DIP2C: variants seen among roughly 807,000 people sequenced by gnomAD.
The protein encoded by DIP2C is DIP2 acetate--CoA ligase C (putative).
Under a neutral mutation model 192.4 loss-of-function variants are expected in DIP2C, and 33 were observed. The ratio of observed to expected loss-of-function variants is 0.17; its 90% confidence interval spans 0.13 to 0.23. The LOEUF is 0.23. Ranked by LOEUF, DIP2C falls within the 10% of genes least tolerant of loss-of-function variation. The pLI is 1.00. For synonymous variants in DIP2C, 979 were observed against 864.1 expected (o/e 1.13, Z -2.33); for missense variants, 1,537 against 2,110.1 (o/e 0.73, Z 5.32).
At chr10:492,167 G>C (rs1844495237) in intron 1 of DIP2C, among the ~76,000 whole-genome samples, 1 of 152,230 alleles carries the variant, frequency 6.6e-6, no homozygotes, top group African/African-American at 2.4e-5. Context: ...CTCTGGGGCT[G>C]AGGCTCCTTG....
intron 1 of DIP2C, among the ~76,000 whole-genome samples, chr10:553,351 G>A (rs1848678494): frequency 1.3e-5 from 2 of 152,366 alleles, no homozygotes; most frequent in Admixed American, 6.5e-5. Flanking sequence ...AGAAGGATTT[G>A]CAGAATTGAG....
At chr10:446,512 G>A (rs956586476) in intron 3 of DIP2C, among the ~76,000 whole-genome samples, 1 of 152,162 alleles carries the variant, frequency 6.6e-6, no homozygotes, top group Non-Finnish European at 1.5e-5. Flanking sequence ...TCTAAATAAG[G>A]CCCTGTGTCT....
chr10:482,971 A>G (rs756491925), intron 2 of DIP2C, among the ~76,000 whole-genome samples: 1 of 152,182 alleles, frequency 6.6e-6, no homozygotes, highest in Non-Finnish European at 1.5e-5. Flanking sequence ...CTTTCACTGC[A>G]TGTATAACTC....
At chr10:640,537 GCC>G (rs1855113353) in intron 1 of DIP2C, among the ~76,000 whole-genome samples, 1 of 152,194 alleles carries the variant, frequency 6.6e-6, no homozygotes, top group African/African-American at 2.4e-5. Flanking sequence ...GGCGGGCATG[GCC>G]AGAGTAGAAA....
Position 689,327 on chromosome 10 carries a change from A to G in DIP2C, c.85+167T>C, listed in dbSNP as rs1385909316. On this transcript the variant is annotated intron_variant, in intron 1 of 36. Coordinates refer to ENST00000280886, the MANE Select transcript of DIP2C (RefSeq NM_014974.3). The surrounding 1 kb of genome is among the most constrained non-coding windows in gnomAD (Gnocchi z 6.1). The stretch of plus-strand genomic sequence containing the variant: ...GGATCGCGGCCTCACAAACGTCCCT[A>G]GGGCGCGGGGTCTGGGGGTCCGGGG... Among the ~76,000 whole-genome samples, 8 of 150,900 alleles carry G rather than the reference A, an allele frequency of 5.3e-5. No individual in the cohort carries two copies. Among genetic ancestry groups the G allele is most frequent in the Non-Finnish European group, 1.2e-4 (8 of 67,692 alleles).
intron 4 of DIP2C, among the ~76,000 whole-genome samples, chr10:433,429 C>T (rs1021218594): frequency 6.6e-6 from 1 of 152,098 alleles, no homozygotes; most frequent in Non-Finnish European, 1.5e-5. Flanking sequence ...GTAATCCCAG[C>T]ACTTTAGGAG....
Position 689,469 on chromosome 10 carries a change from C to G in DIP2C, c.85+25G>C, listed in dbSNP as rs756722065. The G allele has an allele frequency of 1.1e-5, 13 of 1,155,904 alleles. No homozygotes were observed. Among genetic ancestry groups the G allele is most frequent in the Non-Finnish European group, 1.3e-5 (12 of 930,262 alleles). 71.6% of individuals were successfully genotyped at this position (1,155,904 alleles called of 1,614,324 possible). ...GGCCCTCCCCGGTGACAGCGCGGCC[C>G]GGCCCGGGGCGGGGGCCCGGTTACC... On this transcript the variant is annotated intron_variant, in intron 1 of 36. Transcript: ENST00000280886. This position sits in a 1 kb window ranked among gnomAD's most constrained non-coding sequence, Gnocchi z 6.1.
chr10:466,097 A>C (rs2133403931), intron 3 of DIP2C, among the ~76,000 whole-genome samples: 1 of 148,226 alleles, frequency 6.7e-6, no homozygotes, highest in South Asian at 2.2e-4. Flanking sequence ...CCTAAGCCAA[A>C]AGAACAAAGC....
chr10:364,149 T>C (rs191650829), intron 20 of DIP2C, among the ~76,000 whole-genome samples: 1 of 152,272 alleles, frequency 6.6e-6, no homozygotes, highest in African/African-American at 2.4e-5. Context: ...AGAGGGGAAG[T>C]TCAATGGAAA....
At chr10:369,701 C>A in intron 17 of DIP2C, 68 bp from the exon 18 acceptor site, 1 of 1,612,028 alleles carries the variant, frequency 6.2e-7, no homozygotes, top group South Asian at 1.1e-5. Flanking sequence ...GATGTGCAGT[C>A]AGCACACATG....
At position 651,832 on chromosome 10, in the gene DIP2C, G is replaced by C. The variant is rs541437847; in HGVS notation, c.85+37662C>G. On this transcript the variant is annotated intron_variant, in intron 1 of 36. Transcript: ENST00000280886. This position sits in a 1 kb window ranked among gnomAD's most constrained non-coding sequence, Gnocchi z 4.1. ...CGGCATGAGAGAGATGGTGTGGGGCGAAACCAATGGGGAAACTACAAAAGA... is the reference window on the plus strand; with the variant it reads ...CGGCATGAGAGAGATGGTGTGGGGCCAAACCAATGGGGAAACTACAAAAGA... 4.5e-6 allele frequency: 1 copy of C among 223,466 alleles called. No individual in the cohort carries two copies. The highest frequency in any genetic ancestry group is 8.9e-6 in the Non-Finnish European group (1 of 112,308). The allele number at this position is 223,466 out of a possible 1,614,324, so 13.8% of individuals were successfully genotyped here.
At chr10:566,776 G>A (rs1392875489) in intron 1 of DIP2C, among the ~76,000 whole-genome samples, 4 of 152,174 alleles carry the variant, frequency 2.6e-5, no homozygotes, top group African/African-American at 2.4e-5. Context: ...CAGGCCCATC[G>A]GACAGACAGC....
chr10:328,765 A>G (rs1298717871), intron 30 of DIP2C, among the ~76,000 whole-genome samples: 1 of 152,242 alleles, frequency 6.6e-6, no homozygotes, highest in Non-Finnish European at 1.5e-5. Flanking sequence ...ATCCATGTAT[A>G]TACAAAGACA....
intron 1 of DIP2C, among the ~76,000 whole-genome samples, chr10:490,386 G>A (rs1436418555): frequency 6.6e-6 from 1 of 152,220 alleles, no homozygotes; most frequent in African/African-American, 2.4e-5. Context: ...CTAAGCTGGG[G>A]CCATCACGTG....
At chr10:508,794 C>T (rs546057167) in intron 1 of DIP2C, among the ~76,000 whole-genome samples, 1 of 152,264 alleles carries the variant, frequency 6.6e-6, no homozygotes, top group East Asian at 1.9e-4. Flanking sequence ...GATGGCGAGA[C>T]GAGACTGGCT....
chr10:638,279 T>C (rs948121650), intron 1 of DIP2C, among the ~76,000 whole-genome samples: 4 of 152,172 alleles, frequency 2.6e-5, no homozygotes, highest in Non-Finnish European at 4.4e-5. Flanking sequence ...GCAACCAGGG[T>C]GATAAGTACT....
Position 537,112 on chromosome 10 carries a change from T to G in DIP2C, c.86-50582A>C, listed in dbSNP as rs1847735862. ...CCCAGGTGAAGTCTGATTCCCTCTG[T>G]GGGGGAAGAAGTGAGGGTGGAGTGA... On this transcript the variant is annotated intron_variant, in intron 1 of 36. Coordinates refer to ENST00000280886, the MANE Select transcript of DIP2C (RefSeq NM_014974.3). Among the ~76,000 whole-genome samples the G allele has an allele frequency of 1.3e-5, 2 of 152,136 alleles. 1 individual carries two copies. Among genetic ancestry groups the G allele is most frequent in the South Asian group, 4.2e-4 (2 of 4,808 alleles).
At chr10:601,067 A>G (rs973346022) in intron 1 of DIP2C, among the ~76,000 whole-genome samples, 4 of 151,934 alleles carry the variant, frequency 2.6e-5, no homozygotes, top group Non-Finnish European at 5.9e-5. Flanking sequence ...GTACTCTGAA[A>G]TGAATTTGCC....
chr10:513,495 C>A (rs953460440), intron 1 of DIP2C, among the ~76,000 whole-genome samples: 2 of 152,158 alleles, frequency 1.3e-5, no homozygotes, highest in African/African-American at 2.4e-5. Flanking sequence ...CGCGCCACAC[C>A]ACGGCCCGTG....
Sources: gnomAD v4.1 joint callset for allele counts (sites outside exome capture counted in the v4.1 genomes callset) on GRCh38, gnomAD v4.1.1 for gene constraint, Gnocchi (gnomAD v3.1) non-coding constraint, MANE v1.5 for transcripts, NCBI Gene and HGNC (gene_info 2026-07-23, HGNC 2026-07-21) for gene names.